Variants in NCKAP5L observed in about 807,000 individuals in gnomAD.
NCKAP5L encodes nck-associated protein 5-like.
NCKAP5L carries 54 observed loss-of-function variants against 103.2 expected under a neutral mutation model. The observed-to-expected ratio is 0.52, with a 90% CI of 0.42 to 0.66. The LOEUF (loss-of-function observed/expected upper bound fraction) is 0.66. NCKAP5L is among the 30% of genes least tolerant of loss of function. The pLI, the probability that NCKAP5L is intolerant of heterozygous loss-of-function variation, is 0.00. For synonymous variants in NCKAP5L, 762 were observed against 748.6 expected, an observed-to-expected ratio of 1.02 and a Z score of -0.29; for missense variants, 1,733 against 1,750.6, an observed-to-expected ratio of 0.99 and a Z score of 0.18.
At chr12:49,808,258 G>A (rs1946202289) in intron 1 of NCKAP5L, among the ~76,000 whole-genome samples, 1 of 152,180 alleles carries the variant, frequency 6.6e-6, no homozygotes, top group Admixed American at 6.5e-5. Flanking sequence ...CCAGCCAGTG[G>A]TCACAGTTCT....
chr12:49,812,529 G>A (rs1013270584), intron 1 of NCKAP5L, among the ~76,000 whole-genome samples: 14 of 152,052 alleles, frequency 9.2e-5, no homozygotes, highest in Admixed American at 3.3e-4. Context: ...GACTACAGGC[G>A]CCCGCCACCA....
intron 3 of NCKAP5L, among the ~76,000 whole-genome samples, chr12:49,803,532 G>C (rs1252073165): frequency 6.6e-6 from 1 of 152,168 alleles, no homozygotes; most frequent in Non-Finnish European, 1.5e-5. Flanking sequence ...TGTGGTGAGG[G>C]GTGTGGTCTG....
intron 5 of NCKAP5L, chr12:49,802,356 C>G (rs1946129770): frequency 1.1e-5 from 2 of 174,584 alleles, no homozygotes; most frequent in Non-Finnish European, 2.4e-5. Flanking sequence ...TCAAGCGATT[C>G]TCCTGCCTCA....
At chr12:49,822,579 C>T (rs1350655913) in intron 1 of NCKAP5L, among the ~76,000 whole-genome samples, 1 of 146,686 alleles carries the variant, frequency 6.8e-6, no homozygotes, top group Non-Finnish European at 1.5e-5. Context: ...GACAGGGTCT[C>T]ACTGTTGCCT....
At position 49,794,728 on chromosome 12, in the gene NCKAP5L, C is replaced by G. The variant is rs562677581; in HGVS notation, c.3095+37G>C. 4.9e-5 allele frequency: 69 copies of G among 1,414,368 alleles called. No individual in the cohort carries two copies. The African/African-American group carries it at 9.4e-4, about 19-fold the overall frequency. 87.6% of individuals were successfully genotyped at this position (1,414,368 alleles called of 1,614,324 possible). A position where few individuals can be genotyped will look rare whatever the true frequency, so the allele number is the denominator to read the frequency against. ...CCCACGAAGGGAAAAGTGCCCCAAG[C>G]CCACCAAGCCCCTGTTGACTGATCC... On this transcript the variant is annotated intron_variant, in intron 8 of 12. Coordinates refer to ENST00000335999, the MANE Select transcript of NCKAP5L (RefSeq NM_001037806.4).
Position 49,792,616 on chromosome 12 carries a change from G to A in NCKAP5L, c.3650-28C>T. On this transcript the variant is annotated intron_variant, in intron 11 of 12. Transcript: ENST00000335999. The surrounding 1 kb of genome is among the most constrained non-coding windows in gnomAD (Gnocchi z 4.5). ...GTCCAGGAACAAAGGGAAGGTGGAT[G>A]GAGCTGCCTGGGCAGCTCCAGGATG... The A allele has an allele frequency of 6.2e-7, 1 of 1,613,676 alleles. No individual in the cohort carries two copies. The highest frequency in any genetic ancestry group is 8.5e-7 in the Non-Finnish European group (1 of 1,179,720).
intron 1 of NCKAP5L, among the ~76,000 whole-genome samples, chr12:49,808,610 G>A (rs1946206095): frequency 6.6e-6 from 1 of 152,214 alleles, no homozygotes; most frequent in African/African-American, 2.4e-5. Context: ...AGTCAGGAAT[G>A]TGGCCCTCTG....
Position 49,795,947 on chromosome 12 carries a change from G to T in NCKAP5L, c.1913C>A (p.Pro638Gln). The change falls in exon 8 of 13, where the codon CCA becomes CAA. Residue 638 changes from proline (P) to glutamine (Q), a missense_variant. Physicochemically the swap from Pro to Gln is moderately conservative, Grantham distance 76 (BLOSUM62 -1). Transcript: ENST00000335999. ...SESPHPGRRTPGNSSKKPSQG... is the reference protein window; with the variant it reads ...SESPHPGRRTQGNSSKKPSQG... ...GCTGGGCTTCTTGGATGAGTTGCCT[G>T]GGGTCCTGCGGCCGGGATGGGGAGA... The T allele has an allele frequency of 6.5e-7, 1 of 1,529,734 alleles. No individual in the cohort carries two copies. The allele number at this position is 1,529,734 out of a possible 1,614,324, so 94.8% of individuals were successfully genotyped here.
chr12:49,793,431 C>T lies in NCKAP5L; in HGVS notation c.3261G>A (p.Pro1087=), dbSNP rs571674307. The T allele has an allele frequency of 8.7e-6, 14 of 1,609,378 alleles. No individual in the cohort carries two copies. The highest frequency in any genetic ancestry group is 2.2e-5 in the East Asian group (1 of 44,894). The change falls in exon 10 of 13, where the codon CCG becomes CCA. Residue 1087 remains proline (P), a splice_region_variant and synonymous_variant. Transcript: ENST00000335999. The part of the protein sequence containing the change: ...LQGCGKPPGK[P]SSEPGRREEM... The stretch of plus-strand genomic sequence containing the variant: ...CTTCCCGCCTCCCTGGCTCGCTGCT[C>T]GGCTGTGTGGGATACAGGAGACCTC...
intron 6 of NCKAP5L, among the ~76,000 whole-genome samples, chr12:49,801,121 CT>C (rs1415647893): frequency 6.6e-6 from 1 of 152,234 alleles, no homozygotes; most frequent in Non-Finnish European, 1.5e-5. Context: ...GGGCCAAGAG[CT>C]GCCCAGTTTG....
In NCKAP5L at chr12:49,797,753, C is replaced by T. The variant is rs375651054; in HGVS notation, c.466-359G>A. On this transcript the variant is annotated intron_variant, in intron 7 of 12. Coordinates refer to ENST00000335999, the MANE Select transcript of NCKAP5L (RefSeq NM_001037806.4). This position sits in a 1 kb window ranked among gnomAD's most constrained non-coding sequence, Gnocchi z 4.5. ...AGGGGAGGGAGGCCTGTCCATTTCT[C>T]GGGCCCAGAAAGAACACACAGACTC... Among the ~76,000 whole-genome samples the T allele has an allele frequency of 9.3e-4, 141 of 152,248 alleles. 1 individual carries two copies. In the South Asian group the frequency reaches 0.013, roughly 14 times the overall value.
chr12:49,792,931 TG>T lies in NCKAP5L; in HGVS notation c.3395del (p.Pro1132GlnfsTer52). The T allele has an allele frequency of 6.5e-7, 1 of 1,541,844 alleles. No individual in the cohort carries two copies. The highest frequency in any genetic ancestry group is 1.9e-5 in the Admixed American group (1 of 53,622). On this transcript the variant is annotated frameshift_variant, in exon 11 of 13. Transcript: ENST00000335999. LOFTEE classifies it high-confidence loss of function. The surrounding 1 kb of genome is among the most constrained non-coding windows in gnomAD (Gnocchi z 4.5). Reference protein sequence around the residue: ...LDSGIGTFPPPDHGSSGTPSK... With the variant: ...LDSGIGTFPPXDHGSSGTPSK... ...TGGGGGTCCCACTGCTACCATGGTC[TG>T]GGGGTGGGAAGGTCCCAATGCCACT...
intron 6 of NCKAP5L, 85 bp downstream of exon 6, chr12:49,801,763 G>A: frequency 6.6e-7 from 1 of 1,521,962 alleles, no homozygotes; most frequent in South Asian, 1.2e-5. Context: ...TTCCCTAGGG[G>A]CACGTGAGAA....
intron 6 of NCKAP5L, among the ~76,000 whole-genome samples, chr12:49,801,016 G>A (rs1946112260): frequency 1.3e-5 from 2 of 152,330 alleles, no homozygotes; most frequent in African/African-American, 4.8e-5. Flanking sequence ...CCAACCTGGC[G>A]AGACGGGGGC....
chr12:49,814,836 G>A (rs1946280481), intron 1 of NCKAP5L, among the ~76,000 whole-genome samples: 1 of 152,218 alleles, frequency 6.6e-6, no homozygotes, highest in African/African-American at 2.4e-5. Flanking sequence ...TGGTCACCCA[G>A]TCTCCTTAGT....
Position 49,795,692 on chromosome 12 carries a change from C to G in NCKAP5L, c.2168G>C (p.Gly723Ala), listed in dbSNP as rs190797546. The G allele has an allele frequency of 2.2e-3, 3,512 of 1,612,298 alleles. 10 individuals are homozygous for G. Among genetic ancestry groups the G allele is most frequent in the East Asian group, 2.5e-3 (113 of 44,764 alleles). Residue 723 changes from glycine (G) to alanine (A), a missense_variant, in exon 8 of 13, where the codon GGG becomes GCG. Transcript: ENST00000335999. ...CAAGGCCACTGCCCCCCGTATCCCCCCCTTGGCTTCTAGCTGCTCCAGTGG... is the reference window on the plus strand; with the variant it reads ...CAAGGCCACTGCCCCCCGTATCCCCGCCTTGGCTTCTAGCTGCTCCAGTGG... ...HRPLEQLEAK[G>A]GIRGAVALGT...
intron 1 of NCKAP5L, among the ~76,000 whole-genome samples, chr12:49,827,016 C>T (rs1350198381): frequency 2.0e-5 from 3 of 152,114 alleles, no homozygotes; most frequent in Non-Finnish European, 4.4e-5. Context: ...CCCACTAATC[C>T]CAGGTTGTTT....
Position 49,798,423 on chromosome 12 carries a change from G to T in NCKAP5L, c.392C>A (p.Ala131Asp). 1 of 1,581,852 alleles carries T rather than the reference G, an allele frequency of 6.3e-7. No individual in the cohort carries two copies. The highest frequency in any genetic ancestry group is 8.6e-7 in the Non-Finnish European group (1 of 1,163,716). Residue 131 changes from alanine to aspartate, a missense_variant, in exon 7 of 13, where the codon GCC becomes GAC. Ala to Asp is a moderately radical substitution (Grantham distance 126). Coordinates refer to ENST00000335999, the MANE Select transcript of NCKAP5L (RefSeq NM_001037806.4). ...CTCAGTGGAGCTCAGGGAGGGGGAGGCTGGTGGCTCTGATGGTGGCTGGAG... is the reference window on the plus strand; with the variant it reads ...CTCAGTGGAGCTCAGGGAGGGGGAGTCTGGTGGCTCTGATGGTGGCTGGAG... The part of the protein sequence containing the change: ...TPLQPPSEPP[A>D]SPSLSSTEGP...
At chr12:49,821,281 T>A (rs1946359206) in intron 1 of NCKAP5L, among the ~76,000 whole-genome samples, 2 of 151,272 alleles carry the variant, frequency 1.3e-5, no homozygotes, top group Non-Finnish European at 3.0e-5. Context: ...CCCCTCAGCC[T>A]GGAATGGAAA....
Sources: allele counts gnomAD v4.1 joint callset (sites outside exome capture counted in the v4.1 genomes callset), GRCh38; gene constraint gnomAD v4.1.1; non-coding constraint Gnocchi (gnomAD v3.1); transcripts MANE v1.5; gene names NCBI Gene and HGNC (gene_info 2026-07-23, HGNC 2026-07-21).